SH3RF3: variants seen among roughly 807,000 people sequenced by gnomAD.
SH3RF3 encodes SH3 domain containing ring finger 3, also known as E3 ubiquitin-protein ligase SH3RF3.
Under a neutral mutation model 66.3 loss-of-function variants are expected in SH3RF3, and 29 were observed. That is an observed-to-expected ratio of 0.44 (90% confidence interval 0.33 to 0.60). The LOEUF (loss-of-function observed/expected upper bound fraction) is 0.60. Ranked by LOEUF, SH3RF3 falls within the 20% of genes least tolerant of loss-of-function variation. SH3RF3 has a pLI of 0.04. For missense variants in SH3RF3, 1,194 were observed against 1,190.9 expected, an observed-to-expected ratio of 1.00 and a Z score of -0.04; for synonymous variants, 583 against 532.0, an observed-to-expected ratio of 1.10 and a Z score of -1.32.
At chr2:109,303,029 A>C (rs1681507390) in intron 1 of SH3RF3, among the ~76,000 whole-genome samples, 1 of 152,122 alleles carries the variant, frequency 6.6e-6, no homozygotes, top group African/African-American at 2.4e-5. Context: ...GGCATGCACC[A>C]CCATGCCCTA....
chr2:109,219,973 A>G (rs564040876), intron 1 of SH3RF3, among the ~76,000 whole-genome samples: 219 of 152,338 alleles, frequency 1.4e-3, no homozygotes, highest in African/African-American at 5.0e-3. Context: ...AACCAAAACA[A>G]TCTTGAAAAG....
In SH3RF3 at chr2:109,335,072, G is replaced by A. The variant is rs951640565; in HGVS notation, c.574-12602G>A. Among the ~76,000 whole-genome samples, 5 of 152,344 alleles carry A rather than the reference G, an allele frequency of 3.3e-5. No homozygotes were observed. In the East Asian group the frequency reaches 7.7e-4, roughly 24 times the overall value. ...AAGACACGGTTTTGTCTCTGCCTGG[G>A]ATCATGGTGGTCATACCACTCCCTG... On this transcript the variant is annotated intron_variant, in intron 1 of 9. Transcript: ENST00000309415.
chr2:109,477,215 C>T (rs562287022), intron 8 of SH3RF3, among the ~76,000 whole-genome samples: 4 of 152,312 alleles, frequency 2.6e-5, no homozygotes, highest in African/African-American at 4.8e-5. Context: ...TGCACTGCCC[C>T]GGGTTGCACA....
rs117963101 is a variant in SH3RF3, at chr2:109,266,353, C to G, written c.574-81321C>G. Among the ~76,000 whole-genome samples the G allele has an allele frequency of 2.3e-4, 35 of 151,732 alleles. No individual in the cohort carries two copies. The East Asian group carries it at 6.2e-3, about 27-fold the overall frequency. ...TGTTGTGTGTGTATGTATGTATACA[C>G]AGGATCCACTCTGCATCTGACAAGA... On this transcript the variant is annotated intron_variant, in intron 1 of 9. Coordinates refer to ENST00000309415, the MANE Select transcript of SH3RF3 (RefSeq NM_001099289.3).
intron 9 of SH3RF3, among the ~76,000 whole-genome samples, chr2:109,497,210 G>A (rs1254840609): frequency 6.6e-6 from 1 of 152,150 alleles, no homozygotes; most frequent in African/African-American, 2.4e-5. Flanking sequence ...TTAGTGTCCA[G>A]GGTATAGAAG....
intron 1 of SH3RF3, among the ~76,000 whole-genome samples, chr2:109,170,816 CATAGTTT>C (rs1677763539): frequency 6.6e-6 from 1 of 152,206 alleles, no homozygotes; most frequent in Admixed American, 6.5e-5. Context: ...GTGCACAGGG[CATAGTTT>C]ACCTGTGAAC....
chr2:109,167,924 A>G (rs1298965224), intron 1 of SH3RF3, among the ~76,000 whole-genome samples: 1 of 152,140 alleles, frequency 6.6e-6, no homozygotes, highest in Non-Finnish European at 1.5e-5. Flanking sequence ...AAGGAGCTAT[A>G]GTTGTGTTTA....
intron 1 of SH3RF3, among the ~76,000 whole-genome samples, chr2:109,203,442 C>T (rs1027612818): frequency 1.3e-5 from 2 of 152,170 alleles, no homozygotes; most frequent in African/African-American, 4.8e-5. Flanking sequence ...ATCACTGTAT[C>T]CCTGGCCATG....
chr2:109,130,099 G>A lies in SH3RF3; in HGVS notation c.559G>A (p.Ala187Thr), dbSNP rs1224994141. Residue 187 changes from alanine (A) to threonine (T), a missense_variant, in exon 1 of 10, where the codon GCG becomes ACG. Coordinates refer to ENST00000309415, the MANE Select transcript of SH3RF3 (RefSeq NM_001099289.3). ...SLRELATSRT[A>T]PAAKNPCLLP... ...GCGGGAGCTGGCGACCAGCAGGACC[G>A]CGCCGGCGGCAAAGGTGAGTATCTG... is the stretch of plus-strand genomic sequence containing the variant. The A allele has an allele frequency of 9.7e-6, 13 of 1,335,204 alleles. No individual in the cohort carries two copies. Among genetic ancestry groups the A allele is most frequent in the South Asian group, 1.9e-5 (1 of 51,592 alleles). The allele number at this position is 1,335,204 out of a possible 1,614,324, so 82.7% of individuals were successfully genotyped here.
chr2:109,138,203 A>G (rs1419019187), intron 1 of SH3RF3, among the ~76,000 whole-genome samples: 2 of 152,180 alleles, frequency 1.3e-5, no homozygotes, highest in South Asian at 2.1e-4. Flanking sequence ...ATTTTTTAAT[A>G]TTTTTAGTAG....
chr2:109,370,885 C>G (rs1418049555), intron 2 of SH3RF3, among the ~76,000 whole-genome samples: 3 of 152,200 alleles, frequency 2.0e-5, no homozygotes, highest in Non-Finnish European at 4.4e-5. Flanking sequence ...GCCCATGACT[C>G]TAAATAAATG....
chr2:109,433,090 ATG>A (rs1677287924), intron 6 of SH3RF3, among the ~76,000 whole-genome samples: 1 of 152,194 alleles, frequency 6.6e-6, no homozygotes, highest in South Asian at 2.1e-4. Context: ...TGTGCAGAGT[ATG>A]TGCAGTGTGC....
intron 9 of SH3RF3, among the ~76,000 whole-genome samples, chr2:109,493,392 G>A (rs1321305491): frequency 1.5e-4 from 22 of 147,490 alleles, no homozygotes; most frequent in Admixed American, 1.5e-3. Context: ...ACATGGTACA[G>A]ACACCACACA....
chr2:109,270,968 A>G (rs1680610838), intron 1 of SH3RF3, among the ~76,000 whole-genome samples: 1 of 152,092 alleles, frequency 6.6e-6, no homozygotes, highest in Non-Finnish European at 1.5e-5. Flanking sequence ...TCTGAATTGC[A>G]ATTTCTTTTA....
intron 8 of SH3RF3, among the ~76,000 whole-genome samples, chr2:109,473,906 A>G (rs558177767): frequency 1.3e-5 from 2 of 152,276 alleles, no homozygotes; most frequent in Admixed American, 1.3e-4. Context: ...GATCATCAGC[A>G]GTGCTGTCAT....
At chr2:109,181,637 T>A (rs1678077392) in intron 1 of SH3RF3, among the ~76,000 whole-genome samples, 2 of 152,226 alleles carry the variant, frequency 1.3e-5, no homozygotes, top group South Asian at 4.1e-4. Flanking sequence ...CTGCAGTAGA[T>A]GCCTGTTGCC....
chr2:109,276,141 C>T (rs149333837), intron 1 of SH3RF3, among the ~76,000 whole-genome samples: 10 of 152,250 alleles, frequency 6.6e-5, no homozygotes, highest in East Asian at 1.9e-4. Context: ...GCTGAACCCA[C>T]GAGGGTTCGA....
chr2:109,220,844 A>G (rs967290530), intron 1 of SH3RF3, among the ~76,000 whole-genome samples: 2 of 152,232 alleles, frequency 1.3e-5, no homozygotes, highest in African/African-American at 4.8e-5. Context: ...ACAGTGTGAA[A>G]GGAGTTTGAA....
chr2:109,341,323 A>G (rs1682549444), intron 1 of SH3RF3, among the ~76,000 whole-genome samples: 1 of 152,222 alleles, frequency 6.6e-6, no homozygotes, highest in Non-Finnish European at 1.5e-5. Context: ...TATAAAGTGG[A>G]AGATGGGATA....
Sources: allele counts gnomAD v4.1 joint callset (sites outside exome capture counted in the v4.1 genomes callset), GRCh38; gene constraint gnomAD v4.1.1; transcripts MANE v1.5; gene names NCBI Gene and HGNC (gene_info 2026-07-23, HGNC 2026-07-21).